Variants in CST3 observed in about 807,000 individuals in gnomAD.
The protein encoded by CST3 is cystatin C.
CST3 carries 14 observed loss-of-function variants against 9.0 expected under a neutral mutation model. The observed-to-expected ratio is 1.56, with a 90% CI of 1.03 to 2.44. CST3 has a LOEUF of 2.44. CST3 is among the 30% of genes most tolerant of loss of function. CST3 has a pLI of 0.00. For missense variants in CST3, 237 were observed against 204.3 expected (o/e 1.16, Z -0.98); for synonymous variants, 96 against 90.2 (o/e 1.06, Z -0.37).
downstream of CST3, among the ~76,000 whole-genome samples, chr20:23,630,449 C>T (rs1283445620): frequency 6.6e-6 from 1 of 152,186 alleles, no homozygotes; most frequent in African/African-American, 2.4e-5. Flanking sequence ...AATGTCTGTT[C>T]CCTATTTTAG....
At chr20:23,635,827 C>T (rs775705858) in intron 1 of CST3, among the ~76,000 whole-genome samples, 22 of 152,220 alleles carry the variant, frequency 1.4e-4, no homozygotes, top group East Asian at 3.9e-4. Context: ...TTGCTTCCCA[C>T]GTGCTTCCAT....
chr20:23,637,196 A>G (rs532658986), intron 1 of CST3, among the ~76,000 whole-genome samples: 113 of 152,374 alleles, frequency 7.4e-4, no homozygotes, highest in African/African-American at 2.5e-3. Context: ...TAAAAGAAAC[A>G]AAAGTGCTTA....
downstream of CST3, among the ~76,000 whole-genome samples, chr20:23,632,859 T>C (rs1211793804): frequency 4.6e-5 from 7 of 152,222 alleles, no homozygotes; most frequent in Non-Finnish European, 1.5e-5. Flanking sequence ...TTCTATAGGA[T>C]AATGCTGACA....
chr20:23,632,308 T>C (rs1374647394), downstream of CST3: 3 of 152,170 alleles, frequency 2.0e-5, no homozygotes, highest in Non-Finnish European at 4.4e-5. Context: ...GTGTCAAAGA[T>C]CCTTCACCGA....
At chr20:23,634,811 G>T (rs1485766141) in intron 2 of CST3, among the ~76,000 whole-genome samples, 1 of 151,900 alleles carries the variant, frequency 6.6e-6, no homozygotes, top group African/African-American at 2.4e-5. Flanking sequence ...GCATCTACAT[G>T]AACTCACCCT....
chr20:23,632,858 A>G (rs1417251104), downstream of CST3, among the ~76,000 whole-genome samples: 1 of 152,210 alleles, frequency 6.6e-6, no homozygotes, highest in Non-Finnish European at 1.5e-5. Flanking sequence ...ATTCTATAGG[A>G]TAATGCTGAC....
exon 4 of CST3, chr20:23,628,568 T>C (rs1979337268): frequency 6.6e-6 from 1 of 152,222 alleles, no homozygotes; most frequent in African/African-American, 2.4e-5. Context: ...GAGTTATTTT[T>C]GTCTGTCAGT....
In CST3 at chr20:23,637,617, C is replaced by T; in HGVS notation, c.243+3G>A. The T allele has an allele frequency of 6.6e-7, 1 of 1,517,304 alleles. No homozygotes were observed. Among genetic ancestry groups the T allele is most frequent in the South Asian group, 1.2e-5 (1 of 80,700 alleles). 94.0% of individuals were successfully genotyped at this position (1,517,304 alleles called of 1,614,324 possible). On this transcript the variant is annotated splice_donor_region_variant and intron_variant, in intron 1 of 2. Transcript: ENST00000376925. Reference sequence around the variant, plus strand: ...TTCGGACCCTGCGGGGGGCGGCACGCACCTGCTTGCGGGCGCGCACCACCT... The same window carrying T: ...TTCGGACCCTGCGGGGGGCGGCACGTACCTGCTTGCGGGCGCGCACCACCT...
downstream of CST3, among the ~76,000 whole-genome samples, chr20:23,630,555 C>T (rs1351785870): frequency 6.6e-6 from 1 of 152,188 alleles, no homozygotes; most frequent in Non-Finnish European, 1.5e-5. Context: ...TGACTAGCTG[C>T]TGTCTTCCTG....
At chr20:23,632,746 G>GT (rs1374520369), downstream of CST3, among the ~76,000 whole-genome samples, 4 of 152,236 alleles carry the variant, frequency 2.6e-5, no homozygotes, top group Non-Finnish European at 5.9e-5. Context: ...AGCACTGGCT[G>GT]TAAGGGCTGC....
downstream of CST3, chr20:23,629,277 T>C (rs1979360933): frequency 6.6e-6 from 1 of 152,218 alleles, no homozygotes; most frequent in South Asian, 2.1e-4. Flanking sequence ...GGGGCAGTCA[T>C]GGCTTGTGAG....
At chr20:23,630,186 G>T (rs1376168116), downstream of CST3, among the ~76,000 whole-genome samples, 2 of 152,196 alleles carry the variant, frequency 1.3e-5, no homozygotes, top group African/African-American at 2.4e-5. Context: ...CCCAGAACAC[G>T]ATCAACTTTT....
chr20:23,637,842 G>A lies in CST3; in HGVS notation c.21C>T (p.Ala7=). The A allele has an allele frequency of 3.5e-6, 5 of 1,435,782 alleles. No individual in the cohort carries two copies. The highest frequency in any genetic ancestry group is 4.5e-6 in the Non-Finnish European group (5 of 1,102,322). 88.9% of individuals were successfully genotyped at this position (1,435,782 alleles called of 1,614,324 possible). MAGPLR[A]PLLLLAILAV... ...CCAGGATGGCCAGCAGGAGCAGCGG[G>A]GCGCGCAGGGGCCCGGCCATGGTCG... Residue 7 remains alanine (A), a synonymous_variant, in exon 1 of 3, where the codon GCC becomes GCT. Transcript: ENST00000376925.
chr20:23,634,061 G>GTGCCTGGGCATCTTCT, intron 2 of CST3, 62 bp from the exon 3 acceptor site: 1 of 1,353,924 alleles, frequency 7.4e-7, no homozygotes, highest in Non-Finnish European at 1.1e-6. Flanking sequence ...AAGATGCCCA[G>GTGCCTGGGCATCTTCT]GCACGGGACA....
Position 23,637,873 on chromosome 20 carries a change from G to C in CST3, c.-11C>G. On this transcript the variant is annotated 5_prime_UTR_variant, in exon 1 of 3. Transcript: ENST00000376925. ...CAGGGGCCCGGCCATGGTCGGCTAG[G>C]ACGCGGGACGCGGGGAGTGGGGCGC... 2.9e-6 allele frequency: 4 copies of C among 1,389,696 alleles called. No individual in the cohort carries two copies. Among genetic ancestry groups the C allele is most frequent in the Non-Finnish European group, 3.7e-6 (4 of 1,081,606 alleles). The allele number at this position is 1,389,696 out of a possible 1,614,324, so 86.1% of individuals were successfully genotyped here.
downstream of CST3, among the ~76,000 whole-genome samples, chr20:23,630,174 A>C (rs1319216799): frequency 2.6e-5 from 4 of 152,224 alleles, no homozygotes; most frequent in Admixed American, 2.6e-4. Flanking sequence ...TCCACGTCCC[A>C]TCCCAGAACA....
chr20:23,632,249 T>G (rs1323076632), downstream of CST3: 1 of 152,258 alleles, frequency 6.6e-6, no homozygotes, highest in Non-Finnish European at 1.5e-5. Flanking sequence ...GGCACTGGGC[T>G]ATATGGTCAG....
At chr20:23,630,459 G>C (rs1215979681), downstream of CST3, among the ~76,000 whole-genome samples, 1 of 152,206 alleles carries the variant, frequency 6.6e-6, no homozygotes, top group Non-Finnish European at 1.5e-5. Flanking sequence ...CCCTATTTTA[G>C]TCACCATTGT....
downstream of CST3, among the ~76,000 whole-genome samples, chr20:23,630,598 TGGGACA>T (rs1248633943): frequency 6.6e-6 from 1 of 152,180 alleles, no homozygotes; most frequent in Non-Finnish European, 1.5e-5. Context: ...CCTGGAGTTA[TGGGACA>T]GGGCTGGCGA....
Sources: gnomAD v4.1 joint callset for allele counts (sites outside exome capture counted in the v4.1 genomes callset) on GRCh38, gnomAD v4.1.1 for gene constraint, MANE v1.5 for transcripts, NCBI Gene and HGNC (gene_info 2026-07-23, HGNC 2026-07-21) for gene names.